ZNF214: variants seen among roughly 807,000 people sequenced by gnomAD.
ZNF214 encodes zinc finger protein 214, also known as BWSCR2-associated zinc finger protein 1.
Under a neutral mutation model 53.9 loss-of-function variants are expected in ZNF214, and 43 were observed. The ratio of observed to expected loss-of-function variants is 0.80; its 90% CI spans 0.63 to 1.03. The LOEUF (loss-of-function observed/expected upper bound fraction) is 1.03, where lower values mean the gene tolerates loss of function less well. ZNF214 is among the 50% of genes least tolerant of loss of function. The probability of loss-of-function intolerance (pLI) is 0.00; values close to 1 mark genes in which losing one functional copy is unlikely to be tolerated. For synonymous variants in ZNF214, 217 were observed against 229.5 expected (o/e 0.95, Z 0.49); for missense variants, 724 against 719.1 (o/e 1.01, Z -0.08).
chr11:7,001,431 C>T lies in ZNF214; in HGVS notation c.252G>A (p.Gly84=), dbSNP rs1379128238. The T allele has an allele frequency of 6.2e-7, 1 of 1,613,020 alleles. No homozygotes were observed. The highest frequency in any genetic ancestry group is 1.3e-5 in the African/African-American group (1 of 74,818). Reference sequence around the variant, plus strand: ...TGGAATCTGTCCCTTGAACAGTTTCCCCATAGTTCTGATTCTCATACATCT... The same window carrying T: ...TGGAATCTGTCCCTTGAACAGTTTCTCCATAGTTCTGATTCTCATACATCT... The part of the protein sequence containing the change: ...GAQMYENQNY[G]ETVQGTDSKD... The change falls in exon 3 of 3, where the codon GGG becomes GGA. Residue 84 remains glycine (G), a synonymous_variant. Transcript: ENST00000278314.
chr11:7,009,254 G>A (rs1005614942), intron 1 of ZNF214, among the ~76,000 whole-genome samples: 1 of 151,350 alleles, frequency 6.6e-6, no homozygotes, highest in Admixed American at 6.6e-5. Flanking sequence ...ACAGAATATA[G>A]AGCCCAGAAA....
intron 1 of ZNF214, among the ~76,000 whole-genome samples, chr11:7,009,348 T>A (rs1851552759): frequency 6.6e-6 from 1 of 152,156 alleles, no homozygotes; most frequent in Admixed American, 6.6e-5. Flanking sequence ...ATTCAATGAA[T>A]GGTGCTAGGA....
chr11:7,019,423 C>T (rs545550286), intron 1 of ZNF214, among the ~76,000 whole-genome samples: 1 of 152,264 alleles, frequency 6.6e-6, no homozygotes, highest in South Asian at 2.1e-4. Context: ...TAGGAAAGCA[C>T]CAGCACACTT....
intron 1 of ZNF214, 139 bp from the exon 2 acceptor site, chr11:7,002,994 T>C (rs2133386483): frequency 1.4e-6 from 1 of 693,848 alleles, no homozygotes; most frequent in Middle Eastern, 3.1e-4. Context: ...GTAATAACAA[T>C]AGTAGTTAAA....
rs1439795176 is a variant in ZNF214 at position 7,001,477 on chromosome 11, C to G, written c.206G>C (p.Gly69Ala). Residue 69 changes from glycine (G) to alanine (A), a missense_variant, in exon 3 of 3, where the codon GGC (glycine) becomes GCC (alanine). By Grantham distance (60) the Gly-to-Ala change is moderately conservative. Coordinates refer to ENST00000278314, the MANE Select transcript of ZNF214 (RefSeq NM_013249.4). ...CATCTGGGCGCCAGCATTCCACCAG[C>G]CTTGCCAGTAGGAAAAATTTTCATA... ...LEYENFSYWQ[G>A]WWNAGAQMYE... The G allele has an allele frequency of 6.2e-7, 1 of 1,612,642 alleles. No individual in the cohort carries two copies. The highest frequency in any genetic ancestry group is 8.5e-7 in the Non-Finnish European group (1 of 1,179,196).
chr11:7,007,735 T>A (rs1228627015), intron 1 of ZNF214, among the ~76,000 whole-genome samples: 8 of 151,980 alleles, frequency 5.3e-5, no homozygotes, highest in African/African-American at 1.7e-4. Flanking sequence ...CCTAATAATA[T>A]GAAGACTAAA....
At chr11:7,007,353 A>G (rs1851494284) in intron 1 of ZNF214, among the ~76,000 whole-genome samples, 1 of 81,574 alleles carries the variant, frequency 1.2e-5, no homozygotes. Flanking sequence ...ATAATTTAAT[A>G]TTACAGATTA....
chr11:7,019,951 G>T (rs918335277), intron 1 of ZNF214, 122 bp downstream of exon 1: 8 of 152,218 alleles, frequency 5.3e-5, no homozygotes, highest in African/African-American at 1.4e-4. Context: ...CCCTGCTCCT[G>T]CACTGAAGAC....
chr11:7,005,654 T>G (rs1367349919), intron 1 of ZNF214, among the ~76,000 whole-genome samples: 1 of 152,096 alleles, frequency 6.6e-6, no homozygotes, highest in Non-Finnish European at 1.5e-5. Flanking sequence ...TTTAGTTAGC[T>G]AAACTGAACA....
chr11:7,017,850 T>C (rs998204969), intron 1 of ZNF214, among the ~76,000 whole-genome samples: 1 of 152,156 alleles, frequency 6.6e-6, no homozygotes, highest in African/African-American at 2.4e-5. Context: ...GCTCATTATA[T>C]GTTAAGTGAA....
intron 1 of ZNF214, among the ~76,000 whole-genome samples, chr11:7,013,719 A>G (rs1325917972): frequency 6.6e-6 from 1 of 151,976 alleles, no homozygotes; most frequent in Non-Finnish European, 1.5e-5. Context: ...TGTCACCCCC[A>G]CGACCTGGTG....
In ZNF214 at chr11:7,001,023, T is replaced by C. The variant is rs767212438; in HGVS notation, c.660A>G (p.Gly220=). 7 of 1,613,072 alleles carry C rather than the reference T, an allele frequency of 4.3e-6. No individual in the cohort carries two copies. In the Admixed American group the frequency reaches 5.0e-5, roughly 12 times the overall value. The change falls in exon 3 of 3, where the codon GGA becomes GGG. Residue 220 remains glycine (G), a synonymous_variant. Transcript: ENST00000278314. ...LRDSMEEKYC[G]CNKCKGIYYW... ...AATAAATTCCTTTACATTTATTACA[T>C]CCACAGTACTTTTCTTCCATTGAAT...
In ZNF214 at chr11:6,999,805, A is replaced by G; in HGVS notation, c.*57T>C. On this transcript the variant is annotated 3_prime_UTR_variant, in exon 3 of 3. Transcript: ENST00000278314. Reference sequence around the variant, plus strand: ...TAAGATTTCCTTAACAGCAGGATTTATAGGGTTTAAAGGTTAGGTAAACTT... The same window carrying G: ...TAAGATTTCCTTAACAGCAGGATTTGTAGGGTTTAAAGGTTAGGTAAACTT... 1 of 1,498,482 alleles carries G rather than the reference A, an allele frequency of 6.7e-7. No homozygotes were observed. The highest frequency in any genetic ancestry group is 8.9e-7 in the Non-Finnish European group (1 of 1,121,428). 92.8% of individuals were successfully genotyped at this position (1,498,482 alleles called of 1,614,324 possible).
At chr11:7,012,994 G>C (rs1273307887) in intron 1 of ZNF214, among the ~76,000 whole-genome samples, 1 of 97,576 alleles carries the variant, frequency 1.0e-5, no homozygotes, top group Non-Finnish European at 2.5e-5. Flanking sequence ...CAAAAGGCTT[G>C]ACTGAGAAGA....
intron 1 of ZNF214, among the ~76,000 whole-genome samples, chr11:7,016,934 T>C (rs1301601399): frequency 6.6e-6 from 1 of 152,160 alleles, no homozygotes; most frequent in African/African-American, 2.4e-5. Flanking sequence ...TGAGATTTCA[T>C]TTTATGCAAA....
intron 1 of ZNF214, among the ~76,000 whole-genome samples, chr11:7,014,903 T>C (rs1332403925): frequency 6.6e-6 from 1 of 151,246 alleles, no homozygotes; most frequent in Non-Finnish European, 1.5e-5. Flanking sequence ...GAGAAAGCAG[T>C]CTGTCTTAAA....
At chr11:7,003,570 G>A (rs1851406976) in intron 1 of ZNF214, among the ~76,000 whole-genome samples, 1 of 151,954 alleles carries the variant, frequency 6.6e-6, no homozygotes. Context: ...TAAGTTACTT[G>A]TATAAGATTA....
chr11:7,016,349 A>G (rs980156048), intron 1 of ZNF214, among the ~76,000 whole-genome samples: 2 of 152,180 alleles, frequency 1.3e-5, no homozygotes, highest in Admixed American at 6.5e-5. Context: ...TACTATGACC[A>G]ATGTGCTATA....
At chr11:7,009,961 C>T (rs1031656827) in intron 1 of ZNF214, among the ~76,000 whole-genome samples, 15 of 152,044 alleles carry the variant, frequency 9.9e-5, no homozygotes, top group Admixed American at 4.6e-4. Flanking sequence ...TACTTAAATA[C>T]GCTGATGGTG....
Sources: allele counts gnomAD v4.1 joint callset (sites outside exome capture counted in the v4.1 genomes callset), GRCh38; gene constraint gnomAD v4.1.1; transcripts MANE v1.5; gene names NCBI Gene and HGNC (gene_info 2026-07-23, HGNC 2026-07-21).